Variants in ARHGAP42 observed in about 807,000 individuals in gnomAD.
The protein encoded by ARHGAP42 is Rho GTPase activating protein 42.
A neutral mutation model predicts 125.0 loss-of-function variants in ARHGAP42; 63 were observed. That is an observed-to-expected ratio of 0.50 (90% CI 0.41 to 0.62). ARHGAP42 has a LOEUF of 0.62. Ranked by LOEUF, ARHGAP42 falls within the 20% of genes least tolerant of loss-of-function variation. The pLI, the probability that ARHGAP42 is intolerant of heterozygous loss-of-function variation, is 0.00. For synonymous variants in ARHGAP42, 339 were observed against 351.0 expected (o/e 0.97, Z 0.38); for missense variants, 766 against 1,024.2 (o/e 0.75, Z 3.44).
chr11:100,798,682 T>C (rs1247029986), intron 3 of ARHGAP42, among the ~76,000 whole-genome samples: 1 of 152,110 alleles, frequency 6.6e-6, no homozygotes, highest in East Asian at 1.9e-4. Flanking sequence ...ATTGAACTTA[T>C]GTACTTTATA....
chr11:100,692,967 G>C (rs921166261), intron 1 of ARHGAP42, among the ~76,000 whole-genome samples: 1 of 152,122 alleles, frequency 6.6e-6, no homozygotes. Context: ...TTGACTTTGT[G>C]TGTGTGTTCA....
intron 12 of ARHGAP42, among the ~76,000 whole-genome samples, chr11:100,952,734 C>CCTTTTTTTTT (rs1857697067): frequency 8.5e-6 from 1 of 117,526 alleles, no homozygotes. Context: ...CTAAGTCAGG[C>CCTTTTTTTTT]TTTTTTTTTT....
chr11:100,898,451 G>T (rs1036552733), intron 4 of ARHGAP42, among the ~76,000 whole-genome samples: 2 of 152,106 alleles, frequency 1.3e-5, no homozygotes, highest in East Asian at 1.9e-4. Context: ...TTAGAATTCG[G>T]CTATGAATCT....
Position 100,939,158 on chromosome 11 carries a change from G to A in ARHGAP42, c.833-2626G>A, listed in dbSNP as rs191989401. Among the ~76,000 whole-genome samples, 9 of 152,220 alleles carry A rather than the reference G, an allele frequency of 5.9e-5. No homozygotes were observed. The East Asian group carries it at 1.2e-3, about 20-fold the overall frequency. ...CATTCTGCTAGACTTCAGTGTAACC[G>A]GAAGAGCCAGGGGTTCCAGAGTTAG... On this transcript the variant is annotated intron_variant, in intron 8 of 23. Transcript: ENST00000298815.
intron 1 of ARHGAP42, among the ~76,000 whole-genome samples, chr11:100,748,381 C>G (rs1862356546): frequency 6.6e-6 from 1 of 152,180 alleles, no homozygotes; most frequent in South Asian, 2.1e-4. Flanking sequence ...AATCACCCGA[C>G]TGTCCTGAAG....
intron 3 of ARHGAP42, among the ~76,000 whole-genome samples, chr11:100,856,594 A>G (rs1187252544): frequency 6.6e-6 from 1 of 152,098 alleles, no homozygotes; most frequent in East Asian, 1.9e-4. Flanking sequence ...AACATTTTTC[A>G]GAGGTAGAGC....
At chr11:100,868,044 A>G (rs1199396969) in intron 4 of ARHGAP42, among the ~76,000 whole-genome samples, 1 of 152,226 alleles carries the variant, frequency 6.6e-6, no homozygotes, top group Non-Finnish European at 1.5e-5. Flanking sequence ...CAATCACAAT[A>G]GTGGTGTCAA....
intron 8 of ARHGAP42, among the ~76,000 whole-genome samples, chr11:100,940,198 A>G (rs501797): frequency 0.88 from 133,797 of 152,178 alleles, 58,920 homozygotes; most frequent in East Asian, 1. Flanking sequence ...TACCGAGGGC[A>G]TTATTATTAA....
In ARHGAP42 at chr11:100,965,794, A is replaced by G. The variant is rs1198261254; in HGVS notation, c.1550+18A>G. ...CTGGTCAAGTAATTCTCTAACTTACATTGTTCATTTAACTTATTGTTCATT... is the reference window on the plus strand; with the variant it reads ...CTGGTCAAGTAATTCTCTAACTTACGTTGTTCATTTAACTTATTGTTCATT... On this transcript the variant is annotated intron_variant, in intron 17 of 23. Transcript: ENST00000298815. The G allele has an allele frequency of 1.8e-5, 27 of 1,529,550 alleles. No homozygotes were observed. Among genetic ancestry groups the G allele is most frequent in the African/African-American group, 4.1e-5 (3 of 72,554 alleles). The allele number at this position is 1,529,550 out of a possible 1,614,324, so 94.7% of individuals were successfully genotyped here. A position where few individuals can be genotyped will look rare whatever the true frequency, so the allele number is the denominator to read the frequency against.
intron 4 of ARHGAP42, among the ~76,000 whole-genome samples, chr11:100,883,770 T>G (rs1866017624): frequency 6.6e-6 from 1 of 152,178 alleles, no homozygotes; most frequent in Non-Finnish European, 1.5e-5. Flanking sequence ...GCAAATGAAA[T>G]ATACCAGAAA....
chr11:100,891,357 G>A (rs1223734225), intron 4 of ARHGAP42, among the ~76,000 whole-genome samples: 1 of 151,568 alleles, frequency 6.6e-6, no homozygotes, highest in East Asian at 1.9e-4. Flanking sequence ...TTACCCGTCT[G>A]CATGCCAGGT....
rs151228913 is a variant in ARHGAP42 at position 100,791,630 on chromosome 11, C to G, written c.251-3475C>G. ...ATGTCCTTTTCTGGAACTGAGACTA[C>G]AAAATTTAAAGACACCCAGTCGTAA... is the stretch of plus-strand genomic sequence containing the variant. On this transcript the variant is annotated intron_variant, in intron 2 of 23. Coordinates refer to ENST00000298815, the MANE Select transcript of ARHGAP42 (RefSeq NM_152432.4). 4.1e-5 allele frequency among the ~76,000 whole-genome samples: 6 copies of G among 146,608 alleles called. No homozygotes were observed. In the East Asian group the frequency reaches 1.2e-3, roughly 29 times the overall value.
In ARHGAP42 at chr11:100,695,782, CTAA is replaced by C. The variant is rs947188941; in HGVS notation, c.154+7955_154+7957del. Among the ~76,000 whole-genome samples, 138 of 152,264 alleles carry C rather than the reference CTAA, an allele frequency of 9.1e-4. 1 individual carries two copies. The Middle Eastern group carries it at 0.01, about 11-fold the overall frequency. On this transcript the variant is annotated intron_variant, in intron 1 of 23. Transcript: ENST00000298815. The stretch of plus-strand genomic sequence containing the variant: ...AATTGTGGAATAATAGTAATAGTAG[CTAA>C]TAATCTGTCAGTTGTCCCAACCTTT...
intron 3 of ARHGAP42, chr11:100,859,215 T>A (rs985984356): frequency 1.1e-5 from 2 of 184,802 alleles, no homozygotes; most frequent in African/African-American, 4.7e-5. Context: ...ACTGGCTACA[T>A]TAAACCAGTG....
At chr11:100,751,046 C>G (rs1406596249) in intron 1 of ARHGAP42, among the ~76,000 whole-genome samples, 2 of 148,892 alleles carry the variant, frequency 1.3e-5, no homozygotes, top group Non-Finnish European at 3.0e-5. Flanking sequence ...TCAAGTGATT[C>G]TCCTGCCTCA....
intron 6 of ARHGAP42, among the ~76,000 whole-genome samples, chr11:100,922,042 C>T (rs1867287788): frequency 1.3e-5 from 2 of 152,014 alleles, no homozygotes; most frequent in African/African-American, 4.8e-5. Context: ...ATTCTTTCCA[C>T]TCATTTTTTG....
At chr11:100,739,143 T>C (rs1862126194) in intron 1 of ARHGAP42, among the ~76,000 whole-genome samples, 1 of 151,944 alleles carries the variant, frequency 6.6e-6, no homozygotes, top group Non-Finnish European at 1.5e-5. Flanking sequence ...TATCTTAGAG[T>C]CTTTTTTTTT....
intron 4 of ARHGAP42, among the ~76,000 whole-genome samples, chr11:100,908,313 A>G (rs956470123): frequency 7.9e-5 from 12 of 152,198 alleles, no homozygotes; most frequent in Admixed American, 7.2e-4. Flanking sequence ...TTTTAAAACA[A>G]TAGTGTGTAT....
chr11:100,795,653 A>G (rs762949134), intron 3 of ARHGAP42, among the ~76,000 whole-genome samples: 1 of 152,220 alleles, frequency 6.6e-6, no homozygotes, highest in African/African-American at 2.4e-5. Flanking sequence ...AGATTGATGG[A>G]TGAATATATG....
Sources: allele counts gnomAD v4.1 joint callset (sites outside exome capture counted in the v4.1 genomes callset), GRCh38; gene constraint gnomAD v4.1.1; transcripts MANE v1.5; gene names NCBI Gene and HGNC (gene_info 2026-07-23, HGNC 2026-07-21).